The following SHBG variants were observed in gnomAD, a reference collection of about 807,000 sequenced individuals.
SHBG encodes sex hormone binding globulin, also known as sex hormone-binding globulin.
SHBG carries 37 observed loss-of-function variants against 41.9 expected under a neutral mutation model. The ratio of observed to expected loss-of-function variants is 0.88; its 90% confidence interval spans 0.68 to 1.16. The LOEUF is 1.16. Ranked by LOEUF, SHBG falls within the 50% of genes most tolerant of loss-of-function variation. The pLI, the probability that SHBG is intolerant of heterozygous loss-of-function variation, is 0.00. For missense variants in SHBG, 466 were observed against 499.9 expected (o/e 0.93, Z 0.65); for synonymous variants, 217 against 205.8 (o/e 1.05, Z -0.47).
chr17:7,624,509 G>A (rs985880099), upstream of SHBG, among the ~76,000 whole-genome samples: 1 of 152,024 alleles, frequency 6.6e-6, no homozygotes, highest in Non-Finnish European at 1.5e-5. Context: ...CAAAGTGCTG[G>A]GATTATAAGG....
At chr17:7,629,951 T>C (rs989503663), upstream of SHBG, 1 of 611,556 alleles carries the variant, frequency 1.6e-6, no homozygotes, top group Non-Finnish European at 3.0e-6. Context: ...TGGAGGATGA[T>C]AGTGGAGGGG....
At chr17:7,627,694 C>A, upstream of SHBG, 1 of 1,586,492 alleles carries the variant, frequency 6.3e-7, no homozygotes, top group Non-Finnish European at 8.7e-7. This position sits in a 1 kb window ranked among gnomAD's most constrained non-coding sequence, Gnocchi z 4.8. Context: ...AACTAGACCC[C>A]TTAAAGGGCC....
chr17:7,631,531 C>A, intron 4 of SHBG, 58 bp from the exon 5 acceptor site: 1 of 1,601,980 alleles, frequency 6.2e-7, no homozygotes, highest in Non-Finnish European at 8.5e-7. Flanking sequence ...GAGGTCGGGA[C>A]TGCGGCTCCG....
rs1411198222 is a variant in SHBG, at chr17:7,631,355, G to A, written c.549G>A (p.Arg183=). 1 of 1,612,994 alleles carries A rather than the reference G, an allele frequency of 6.2e-7. No homozygotes were observed. Residue 183 remains arginine (R), a synonymous_variant, in exon 4 of 8, where the codon CGG becomes CGA. Coordinates refer to ENST00000380450, the MANE Select transcript of SHBG (RefSeq NM_001040.5). The stretch of plus-strand genomic sequence containing the variant: ...TGCTCTTCCCCGCTTCCAACCTTCG[G>A]TTGCCGGTAACTACACCCCAGGGGT... The part of the protein sequence containing the change: ...GGLLFPASNL[R]LPLVPALDGC...
Position 7,630,967 on chromosome 17 carries a change from T to C in SHBG, c.393+98T>C. ...TGGGCATCCCTCTACCACTGTCATC[T>C]CGTTTAATCCACACGAACCCCCACA... On this transcript the variant is annotated intron_variant, in intron 3 of 7. Transcript: ENST00000380450. The surrounding 1 kb of genome is among the most constrained non-coding windows in gnomAD (Gnocchi z 4.6). The C allele has an allele frequency of 8.6e-7, 1 of 1,162,582 alleles. No individual in the cohort carries two copies. The highest frequency in any genetic ancestry group is 1.3e-6 in the Non-Finnish European group (1 of 795,032). The allele number at this position is 1,162,582 out of a possible 1,614,324, so 72.0% of individuals were successfully genotyped here.
intron 1 of SHBG, among the ~76,000 whole-genome samples, chr17:7,622,870 A>C (rs1407384467): frequency 3.4e-5 from 5 of 148,130 alleles, no homozygotes; most frequent in Admixed American, 6.7e-5. Context: ...TCAACTAAAA[A>C]TACAAAAAAA....
upstream of SHBG, among the ~76,000 whole-genome samples, chr17:7,629,430 G>A (rs1386135229): frequency 1.3e-5 from 2 of 150,404 alleles, no homozygotes; most frequent in African/African-American, 4.9e-5. Flanking sequence ...TCAGGGAGTG[G>A]GTGATTTCTA....
At chr17:7,620,866 G>T (rs2072080100) in intron 1 of SHBG, among the ~76,000 whole-genome samples, 1 of 151,780 alleles carries the variant, frequency 6.6e-6, no homozygotes, top group African/African-American at 2.4e-5. Flanking sequence ...CCTGACCTCA[G>T]GTGAGCCACC....
At chr17:7,632,587 G>A (rs2072453693) in intron 6 of SHBG, among the ~76,000 whole-genome samples, 165 bp from the exon 7 acceptor site, 1 of 152,162 alleles carries the variant, frequency 6.6e-6, no homozygotes, top group South Asian at 2.1e-4. Context: ...TTCAAAAAGG[G>A]TCAAGCCAAA....
chr17:7,627,920 C>T (rs1345614166), upstream of SHBG: 1 of 570,246 alleles, frequency 1.8e-6, no homozygotes, highest in Admixed American at 2.4e-5. The surrounding 1 kb of genome is among the most constrained non-coding windows in gnomAD (Gnocchi z 4.8). Flanking sequence ...GCTTGGAGAA[C>T]AGGCACGGCC....
At chr17:7,624,626 C>T (rs907477840), upstream of SHBG, among the ~76,000 whole-genome samples, 7 of 151,982 alleles carry the variant, frequency 4.6e-5, no homozygotes, top group Admixed American at 1.3e-4. Context: ...CTCAACCTCT[C>T]AAAGTGTTGA....
chr17:7,630,976 C>A lies in SHBG; in HGVS notation c.393+107C>A. ...CTCTACCACTGTCATCTCGTTTAAT[C>A]CACACGAACCCCCACAAAGTAGCTA... On this transcript the variant is annotated intron_variant, in intron 3 of 7. Transcript: ENST00000380450. This position sits in a 1 kb window ranked among gnomAD's most constrained non-coding sequence, Gnocchi z 4.6. 1.9e-6 allele frequency: 2 copies of A among 1,079,070 alleles called. No individual in the cohort carries two copies. Among genetic ancestry groups the A allele is most frequent in the Non-Finnish European group, 2.7e-6 (2 of 729,030 alleles). The allele number at this position is 1,079,070 out of a possible 1,614,324, so 66.8% of individuals were successfully genotyped here.
At chr17:7,620,965 A>G (rs1214324618) in intron 1 of SHBG, among the ~76,000 whole-genome samples, 3 of 151,714 alleles carry the variant, frequency 2.0e-5, no homozygotes, top group Non-Finnish European at 4.4e-5. Flanking sequence ...GCTTGATAGC[A>G]CCTGACTGTG....
intron 1 of SHBG, among the ~76,000 whole-genome samples, chr17:7,619,165 C>A (rs982158264): frequency 6.6e-5 from 10 of 151,384 alleles, no homozygotes; most frequent in African/African-American, 2.4e-4. Context: ...CCGAGGTGGG[C>A]AGATCACCTG....
chr17:7,631,478 AG>A, intron 4 of SHBG, 110 bp from the exon 5 acceptor site: 2 of 1,557,942 alleles, frequency 1.3e-6, no homozygotes, highest in Admixed American at 1.7e-5. Flanking sequence ...GAGAGCTGCA[AG>A]GGGGAGGCCA....
chr17:7,616,719 C>T (rs2072000395), intron 1 of SHBG, among the ~76,000 whole-genome samples: 1 of 152,016 alleles, frequency 6.6e-6, no homozygotes, highest in Admixed American at 6.6e-5. Flanking sequence ...GGGTGGATCA[C>T]AAGGTCAGGA....
chr17:7,614,209 C>T, intron 1 of SHBG: 2 of 681,044 alleles, frequency 2.9e-6, no homozygotes. Context: ...ACAATAATGG[C>T]CTGAAGTTCA....
At position 7,630,534 on chromosome 17, in the gene SHBG, C is replaced by T. The variant is rs149526300; in HGVS notation, c.203+27C>T. On this transcript the variant is annotated intron_variant, in intron 2 of 7. Coordinates refer to ENST00000380450, the MANE Select transcript of SHBG (RefSeq NM_001040.5). The surrounding 1 kb of genome is among the most constrained non-coding windows in gnomAD (Gnocchi z 4.6). ...TATGGGGTTGGCCTAGCCCTTGACC[C>T]AGTCCCCTGGTTCTGCCCTCTCTCC... The T allele has an allele frequency of 1.0e-5, 16 of 1,599,574 alleles. No individual in the cohort carries two copies. Among genetic ancestry groups the T allele is most frequent in the Non-Finnish European group, 1.4e-5 (16 of 1,166,844 alleles).
chr17:7,625,168 T>A (rs1007254827), upstream of SHBG, among the ~76,000 whole-genome samples: 1 of 151,768 alleles, frequency 6.6e-6, no homozygotes, highest in African/African-American at 2.4e-5. Flanking sequence ...AGGCTGCTCT[T>A]GAACTCCTGA....
Sources: gnomAD v4.1 joint callset for allele counts (sites outside exome capture counted in the v4.1 genomes callset) on GRCh38, gnomAD v4.1.1 for gene constraint, Gnocchi (gnomAD v3.1) non-coding constraint, MANE v1.5 for transcripts, NCBI Gene and HGNC (gene_info 2026-07-23, HGNC 2026-07-21) for gene names.